Variants in DOCK11 observed in about 807,000 individuals in gnomAD.
DOCK11 encodes dedicator of cytokinesis protein 11.
DOCK11 carries 70 observed loss-of-function variants against 169.1 expected under a neutral mutation model. The ratio of observed to expected loss-of-function variants is 0.41; its 90% CI spans 0.34 to 0.51. The LOEUF is 0.51. DOCK11 is among the 20% of genes least tolerant of loss of function. The pLI is 0.10. For synonymous variants in DOCK11, 529 were observed against 541.3 expected (o/e 0.98, Z 0.32); for missense variants, 1,166 against 1,538.8 (o/e 0.76, Z 4.05).
chrX:118,497,163 C>G (rs952218566), intron 1 of DOCK11, among the ~76,000 whole-genome samples: 1 of 112,416 alleles, frequency 8.9e-6, no homozygotes, highest in African/African-American at 3.2e-5. Context: ...CATTTTACAG[C>G]GAGTCGTTTG....
chrX:118,508,263 G>C (rs1440305613), intron 1 of DOCK11, among the ~76,000 whole-genome samples: 1 of 111,677 alleles, frequency 9.0e-6, no homozygotes, highest in African/African-American at 3.3e-5. Flanking sequence ...CATTTTCATG[G>C]AACTGTTTTC....
chrX:118,659,579 C>CT (rs2016163564), intron 44 of DOCK11, among the ~76,000 whole-genome samples: 1 of 111,917 alleles, frequency 8.9e-6, no homozygotes, highest in Non-Finnish European at 1.9e-5. Context: ...GTGTTGATAA[C>CT]TTTAGCAAAA....
chrX:118,568,176 A>C lies in DOCK11; in HGVS notation c.1035+14A>C. 1 of 992,578 alleles carries C rather than the reference A, an allele frequency of 1.0e-6. No individual in the cohort carries two copies. Among genetic ancestry groups the C allele is most frequent in the Non-Finnish European group, 1.4e-6 (1 of 727,188 alleles). The allele number at this position is 992,578 out of a possible 1,213,427, so 81.8% of individuals were successfully genotyped here. A position where few individuals can be genotyped will look rare whatever the true frequency, so the allele number is the denominator to read the frequency against. ...TCAGAAGTTCAGGTATTAATGATACATTTCTTTAATAGTCCTAGAATTATT... is the reference window on the plus strand; with the variant it reads ...TCAGAAGTTCAGGTATTAATGATACCTTTCTTTAATAGTCCTAGAATTATT... On this transcript the variant is annotated intron_variant, in intron 10 of 52. Coordinates refer to ENST00000276202, the MANE Select transcript of DOCK11 (RefSeq NM_144658.4).
chrX:118,632,987 G>A (rs1470856502), intron 35 of DOCK11: 1 of 79,247 alleles, frequency 1.3e-5, no homozygotes, highest in African/African-American at 4.7e-5. Flanking sequence ...GGGGTGAGGG[G>A]GGTGGGGGGG....
At chrX:118,617,157 C>T (rs746246603) in intron 30 of DOCK11, among the ~76,000 whole-genome samples, 4 of 111,364 alleles carry the variant, frequency 3.6e-5, no homozygotes, top group African/African-American at 9.8e-5. Context: ...AATTAAATAG[C>T]ACGGGAGAGG....
chrX:118,556,026 G>A (rs1347856451), intron 6 of DOCK11, among the ~76,000 whole-genome samples: 1 of 104,735 alleles, frequency 9.5e-6, no homozygotes. Flanking sequence ...ATGATAAAAG[G>A]TTTTCCTACT....
chrX:118,603,279 G>A (rs2014396752), intron 23 of DOCK11, among the ~76,000 whole-genome samples: 1 of 112,916 alleles, frequency 8.9e-6, no homozygotes, highest in South Asian at 3.6e-4. Flanking sequence ...TGGCGGGACA[G>A]GCCGGGTATG....
Position 118,562,148 on chromosome X carries a change from G to A in DOCK11, c.693+631G>A, listed in dbSNP as rs184786887. Among the ~76,000 whole-genome samples, 121 of 106,221 alleles carry A rather than the reference G, an allele frequency of 1.1e-3. 1 individual carries two copies. The highest frequency in any genetic ancestry group is 4.0e-3 in the African/African-American group (117 of 28,992). 92.2% of individuals were successfully genotyped at this position (106,221 alleles called of 115,157 possible). On this transcript the variant is annotated intron_variant, in intron 7 of 52. Coordinates refer to ENST00000276202, the MANE Select transcript of DOCK11 (RefSeq NM_144658.4). The stretch of plus-strand genomic sequence containing the variant: ...GCCACTACACTGCAGCCTGGGTGAT[G>A]GAGTGAGACTCCATCACAAAAAAAA...
At chrX:118,500,238 C>T (rs956790822) in intron 1 of DOCK11, among the ~76,000 whole-genome samples, 5 of 109,674 alleles carry the variant, frequency 4.6e-5, no homozygotes, top group East Asian at 5.8e-4. Flanking sequence ...TTAGTAGAGA[C>T]GGGGTTTCAC....
rs1327373345 is a variant in DOCK11 at position 118,557,556 on chromosome X, C to CAGG, written c.559-3825_559-3824insGAG. Reference sequence around the variant, plus strand: ...GGCTGAGGTGGGTGGATCACGAGGTCAGATCGAGACCATCCTGGCTAACAT... The same window carrying CAGG: ...GGCTGAGGTGGGTGGATCACGAGGTCAGGAGATCGAGACCATCCTGGCTAACAT... On this transcript the variant is annotated intron_variant, in intron 6 of 52. Coordinates refer to ENST00000276202, the MANE Select transcript of DOCK11 (RefSeq NM_144658.4). Among the ~76,000 whole-genome samples, 7 of 108,899 alleles carry CAGG rather than the reference C, an allele frequency of 6.4e-5. No homozygotes were observed. In the South Asian group the frequency reaches 2.8e-3, roughly 44 times the overall value. 94.6% of individuals were successfully genotyped at this position (108,899 alleles called of 115,157 possible). A position where few individuals can be genotyped will look rare whatever the true frequency, so the allele number is the denominator to read the frequency against.
At chrX:118,545,986 C>A in intron 5 of DOCK11, 35 bp from the exon 6 acceptor site, 1 of 1,024,023 alleles carries the variant, frequency 9.8e-7, no homozygotes, top group Non-Finnish European at 1.4e-6. Context: ...GGCAGGCTGG[C>A]TGTTGTTTTA....
intron 20 of DOCK11, among the ~76,000 whole-genome samples, chrX:118,593,650 G>A (rs377563360): frequency 1.8e-5 from 2 of 111,122 alleles, no homozygotes; most frequent in East Asian, 2.8e-4. Context: ...ACCAGATCTC[G>A]TGAGACTTAT....
chrX:118,564,279 A>G (rs1168474996), intron 7 of DOCK11, among the ~76,000 whole-genome samples: 3 of 112,877 alleles, frequency 2.7e-5, no homozygotes, highest in East Asian at 5.5e-4. Flanking sequence ...ATAAATCTTT[A>G]TGACTTGATA....
intron 4 of DOCK11, among the ~76,000 whole-genome samples, chrX:118,544,645 C>CTTTTTTTTTTTTGT (rs2012175204): frequency 4.3e-5 from 1 of 23,343 alleles, no homozygotes; most frequent in Non-Finnish European, 7.2e-5. Flanking sequence ...TACACTGTTG[C>CTTTTTTTTTTTTGT]TTTTTTTTTT....
chrX:118,614,398 C>T (rs986144052), intron 28 of DOCK11, among the ~76,000 whole-genome samples: 1 of 110,576 alleles, frequency 9.0e-6, no homozygotes, highest in African/African-American at 3.3e-5. Flanking sequence ...GTATGTGTGT[C>T]TGTGTATGTA....
chrX:118,624,735 T>C, intron 32 of DOCK11, 80 bp downstream of exon 32: 3 of 540,258 alleles, frequency 5.6e-6, no homozygotes, highest in Non-Finnish European at 9.0e-6. Context: ...TGCTATATGA[T>C]CTCAACCTTA....
At chrX:118,681,576 T>C (rs2016744516) in intron 50 of DOCK11, 118 bp from the exon 51 acceptor site, 1 of 498,428 alleles carries the variant, frequency 2.0e-6, no homozygotes, top group Non-Finnish European at 3.2e-6. Context: ...AAGCATATAT[T>C]TCTCAGATAT....
In DOCK11 at chrX:118,543,443, A is replaced by G. The variant is rs1304164064; in HGVS notation, c.310-68A>G. On this transcript the variant is annotated intron_variant, in intron 3 of 52. Coordinates refer to ENST00000276202, the MANE Select transcript of DOCK11 (RefSeq NM_144658.4). ...AGAAAGCCTGTCGGCATAGTACCAG[A>G]GTTTTAAAAAGTGGATATATATGTA... is the stretch of plus-strand genomic sequence containing the variant. The G allele has an allele frequency of 2.7e-5, 24 of 895,321 alleles. No homozygotes were observed. In the East Asian group the frequency reaches 4.4e-4, roughly 17 times the overall value. The allele number at this position is 895,321 out of a possible 1,213,427, so 73.8% of individuals were successfully genotyped here. A position where few individuals can be genotyped will look rare whatever the true frequency, so the allele number is the denominator to read the frequency against.
At chrX:118,590,150 C>A in intron 18 of DOCK11, 60 bp from the exon 19 acceptor site, 1 of 1,016,375 alleles carries the variant, frequency 9.8e-7, no homozygotes, top group Non-Finnish European at 1.4e-6. Flanking sequence ...TATGTGGTTC[C>A]ATGGCATCAC....
Sources: allele counts gnomAD v4.1 joint callset (sites outside exome capture counted in the v4.1 genomes callset), GRCh38; gene constraint gnomAD v4.1.1; transcripts MANE v1.5; gene names NCBI Gene and HGNC (gene_info 2026-07-23, HGNC 2026-07-21).